Variants in KCNAB1 observed in about 807,000 individuals in gnomAD.
The protein encoded by KCNAB1 is potassium voltage-gated channel subfamily A regulatory beta subunit 1, also known as voltage-gated potassium channel subunit beta-1.
KCNAB1 carries 35 observed loss-of-function variants against 64.6 expected under a neutral mutation model. The ratio of observed to expected loss-of-function variants is 0.54; its 90% CI spans 0.41 to 0.72. The LOEUF (loss-of-function observed/expected upper bound fraction) is 0.72. Among genes scored for constraint, KCNAB1 ranks in the 30% least tolerant of loss-of-function variants. The pLI is 0.00. For synonymous variants in KCNAB1, 177 were observed against 183.8 expected (o/e 0.96, Z 0.30); for missense variants, 401 against 512.9 (o/e 0.78, Z 2.11).
chr3:156,171,054 T>C (rs576817307), intron 1 of KCNAB1, among the ~76,000 whole-genome samples: 2 of 152,198 alleles, frequency 1.3e-5, no homozygotes, highest in Non-Finnish European at 2.9e-5. Context: ...TGGCGGTGAG[T>C]GGGCTTTTAC....
In KCNAB1 at chr3:156,515,183, A is replaced by G; in HGVS notation, c.828A>G (p.Lys276=). ...QAEYHLFQRE[K]VEVQLPELYH... Reference sequence around the variant, plus strand: ...AGTACCATCTTTTCCAGAGAGAGAAAGTGGAGGTCCAGCTGCCAGAGCTCT... The same window carrying G: ...AGTACCATCTTTTCCAGAGAGAGAAGGTGGAGGTCCAGCTGCCAGAGCTCT... The change falls in exon 10 of 14, where the codon AAA becomes AAG. Residue 276 remains lysine, a synonymous_variant. Coordinates refer to ENST00000490337, the MANE Select transcript of KCNAB1 (RefSeq NM_172160.3). The G allele has an allele frequency of 6.2e-7, 1 of 1,613,552 alleles. No homozygotes were observed. The highest frequency in any genetic ancestry group is 8.5e-7 in the Non-Finnish European group (1 of 1,179,646).
intron 1 of KCNAB1, among the ~76,000 whole-genome samples, chr3:156,128,805 T>C (rs1371989529): frequency 1.3e-5 from 2 of 152,236 alleles, no homozygotes; most frequent in Admixed American, 6.5e-5. Flanking sequence ...TTTTCATGAA[T>C]ATTAGGAAGA....
chr3:156,424,436 G>T (rs1459449784), intron 2 of KCNAB1, among the ~76,000 whole-genome samples: 2 of 152,052 alleles, frequency 1.3e-5, no homozygotes, highest in Non-Finnish European at 2.9e-5. Flanking sequence ...TTATGGCTCT[G>T]ATATTGTTAC....
chr3:156,276,452 G>A (rs1226097808), intron 1 of KCNAB1, among the ~76,000 whole-genome samples: 1 of 152,130 alleles, frequency 6.6e-6, no homozygotes, highest in African/African-American at 2.4e-5. Flanking sequence ...GTCCTTTGAA[G>A]CTTTGAAGAC....
rs562883750 is a variant in KCNAB1, at chr3:156,243,197, C to T, written c.275+122311C>T. Among the ~76,000 whole-genome samples the T allele has an allele frequency of 7.3e-5, 11 of 151,398 alleles. No individual in the cohort carries two copies. The East Asian group carries it at 7.9e-4, about 11-fold the overall frequency. On this transcript the variant is annotated intron_variant, in intron 1 of 13. Transcript: ENST00000490337. ...TGCTGGGATTACAGGCGTGAGCCACCGCACCTGGCCGATGGTGTGCTTATT... is the reference window on the plus strand; with the variant it reads ...TGCTGGGATTACAGGCGTGAGCCACTGCACCTGGCCGATGGTGTGCTTATT...
At chr3:156,319,632 G>A (rs1722524649) in intron 1 of KCNAB1, among the ~76,000 whole-genome samples, 1 of 152,136 alleles carries the variant, frequency 6.6e-6, no homozygotes, top group Non-Finnish European at 1.5e-5. Context: ...GAGCTCAAGA[G>A]CCCTGTGAAA....
At chr3:156,212,532 G>A (rs374879238) in intron 1 of KCNAB1, among the ~76,000 whole-genome samples, 5 of 152,194 alleles carry the variant, frequency 3.3e-5, no homozygotes, top group African/African-American at 1.2e-4. Flanking sequence ...GCTCCTGGAT[G>A]TTACTGGCTA....
At chr3:156,357,159 G>GCGCACACACACACACACACA (rs545909634) in intron 1 of KCNAB1, among the ~76,000 whole-genome samples, 204 of 147,398 alleles carry the variant, frequency 1.4e-3, no homozygotes, top group African/African-American at 4.6e-3. Flanking sequence ...ACATGTGCGC[G>GCGCACACACACACACACACA]CACACACACA....
chr3:156,513,101 A>G (rs1311644738), intron 8 of KCNAB1, among the ~76,000 whole-genome samples: 1 of 152,062 alleles, frequency 6.6e-6, no homozygotes, highest in Non-Finnish European at 1.5e-5. Context: ...AGTCCCAGCT[A>G]CTCGGGAGGC....
chr3:156,200,913 C>G (rs1031311845), intron 1 of KCNAB1, among the ~76,000 whole-genome samples: 1 of 152,236 alleles, frequency 6.6e-6, no homozygotes, highest in African/African-American at 2.4e-5. Context: ...TCTGCCCAAA[C>G]AGCCAACCAG....
chr3:156,425,833 C>T (rs1010704469), intron 2 of KCNAB1, among the ~76,000 whole-genome samples: 5 of 151,984 alleles, frequency 3.3e-5, no homozygotes, highest in African/African-American at 9.7e-5. Context: ...GCAAGTGAAG[C>T]GTGAAGAAGG....
intron 1 of KCNAB1, among the ~76,000 whole-genome samples, chr3:156,145,024 G>A (rs1422651996): frequency 1.3e-5 from 2 of 152,200 alleles, no homozygotes; most frequent in African/African-American, 4.8e-5. Flanking sequence ...GAGGGGAGCA[G>A]TCATCCCCCA....
At chr3:156,535,774 G>A (rs559037960) in intron 13 of KCNAB1, among the ~76,000 whole-genome samples, 5 of 147,946 alleles carry the variant, frequency 3.4e-5, no homozygotes, top group African/African-American at 1.2e-4. Context: ...CCTATTGCCT[G>A]GCTTGGATTG....
At chr3:156,434,512 C>T (rs1394521589) in intron 2 of KCNAB1, among the ~76,000 whole-genome samples, 2 of 151,722 alleles carry the variant, frequency 1.3e-5, no homozygotes, top group African/African-American at 4.8e-5. Context: ...TATTTAAAAG[C>T]ATAAAATAAC....
intron 2 of KCNAB1, among the ~76,000 whole-genome samples, chr3:156,435,776 G>A (rs2108251237): frequency 6.6e-6 from 1 of 152,210 alleles, no homozygotes; most frequent in South Asian, 2.1e-4. Flanking sequence ...AGATATATTT[G>A]GAATTAAATA....
At chr3:156,269,937 A>G (rs533673922) in intron 1 of KCNAB1, among the ~76,000 whole-genome samples, 20 of 132,886 alleles carry the variant, frequency 1.5e-4, no homozygotes, top group African/African-American at 4.9e-4. Context: ...TTTTTTTGAG[A>G]CAATGTCTCA....
chr3:156,385,847 T>C (rs1352423239), intron 1 of KCNAB1, among the ~76,000 whole-genome samples: 1 of 152,248 alleles, frequency 6.6e-6, no homozygotes, highest in Non-Finnish European at 1.5e-5. Context: ...TGTTGTATTC[T>C]GCAGATTGGA....
chr3:156,160,432 TCTC>T (rs932355080), intron 1 of KCNAB1, among the ~76,000 whole-genome samples: 2 of 152,152 alleles, frequency 1.3e-5, no homozygotes, highest in Non-Finnish European at 2.9e-5. Context: ...CTCTTCTCCA[TCTC>T]CTCCTCCTCC....
chr3:156,501,118 G>A (rs1020898240), intron 8 of KCNAB1, among the ~76,000 whole-genome samples: 2 of 152,158 alleles, frequency 1.3e-5, no homozygotes, highest in Admixed American at 6.5e-5. Flanking sequence ...GTATGACAAG[G>A]GGAAAACATT....
Sources: gnomAD v4.1 joint callset for allele counts (sites outside exome capture counted in the v4.1 genomes callset) on GRCh38, gnomAD v4.1.1 for gene constraint, MANE v1.5 for transcripts, NCBI Gene and HGNC (gene_info 2026-07-23, HGNC 2026-07-21) for gene names.